SGK1: variants seen among roughly 807,000 people sequenced by gnomAD.
SGK1 encodes serine/threonine-protein kinase Sgk1.
SGK1 carries 26 observed loss-of-function variants against 64.2 expected under a neutral mutation model. The ratio of observed to expected loss-of-function variants is 0.40; its 90% CI spans 0.30 to 0.56. The LOEUF (loss-of-function observed/expected upper bound fraction) is 0.56, where lower values mean the gene tolerates loss of function less well. Ranked by LOEUF, SGK1 falls within the 20% of genes least tolerant of loss-of-function variation. The probability of loss-of-function intolerance (pLI) is 0.38; values close to 1 mark genes in which losing one functional copy is unlikely to be tolerated. For synonymous variants in SGK1, 265 were observed against 239.7 expected (o/e 1.11, Z -0.98); for missense variants, 519 against 645.6 (o/e 0.80, Z 2.12).
intron 2 of SGK1, among the ~76,000 whole-genome samples, chr6:134,219,450 G>A (rs967700878): frequency 2.6e-4 from 40 of 152,212 alleles, no homozygotes; most frequent in Middle Eastern, 6.8e-3. Context: ...TATCTAGATT[G>A]TTTGCATTCT....
intron 2 of SGK1, among the ~76,000 whole-genome samples, chr6:134,251,667 T>C (rs942384044): frequency 2.0e-5 from 3 of 152,162 alleles, no homozygotes; most frequent in African/African-American, 4.8e-5. Context: ...AAAAATCAAG[T>C]GAGCTACGAG....
intron 2 of SGK1, among the ~76,000 whole-genome samples, chr6:134,254,720 C>T (rs1372149440): frequency 5.3e-5 from 8 of 152,066 alleles, no homozygotes; most frequent in Non-Finnish European, 1.2e-4. Context: ...CACATATATA[C>T]TCACACTCAT....
At chr6:134,178,359 C>G (rs1028672082) in intron 3 of SGK1, among the ~76,000 whole-genome samples, 1 of 152,130 alleles carries the variant, frequency 6.6e-6, no homozygotes, top group African/African-American at 2.4e-5. Flanking sequence ...CCTGTTCTGT[C>G]CCAGCAACCT....
chr6:134,266,200 G>A (rs1360532432), intron 1 of SGK1, among the ~76,000 whole-genome samples: 3 of 149,942 alleles, frequency 2.0e-5, no homozygotes, highest in Non-Finnish European at 4.4e-5. Flanking sequence ...GGCCAGGCCG[G>A]TCTTGAACTC....
chr6:134,175,788 C>T (rs1434178021), intron 3 of SGK1: 2 of 1,329,706 alleles, frequency 1.5e-6, no homozygotes, highest in Admixed American at 3.7e-5. Flanking sequence ...AAACAAATGG[C>T]CCTTGTGCAC....
At chr6:134,285,391 T>A (rs1777167373) in intron 1 of SGK1, among the ~76,000 whole-genome samples, 1 of 148,272 alleles carries the variant, frequency 6.7e-6, no homozygotes, top group South Asian at 2.1e-4. Flanking sequence ...GGAAGGAAAA[T>A]CACTTGAACC....
intron 1 of SGK1, among the ~76,000 whole-genome samples, chr6:134,302,911 T>C (rs1777479545): frequency 6.6e-6 from 1 of 152,010 alleles, no homozygotes; most frequent in Non-Finnish European, 1.5e-5. Context: ...TGCGCTATCA[T>C]GCCTGGCTAA....
intron 3 of SGK1, among the ~76,000 whole-genome samples, chr6:134,199,805 C>A (rs1442588036): frequency 6.6e-6 from 1 of 152,056 alleles, no homozygotes; most frequent in Non-Finnish European, 1.5e-5. Flanking sequence ...ATTTAAAAAA[C>A]CCCAGTGGTA....
At chr6:134,248,286 G>A (rs1018463244) in intron 2 of SGK1, among the ~76,000 whole-genome samples, 1 of 151,964 alleles carries the variant, frequency 6.6e-6, no homozygotes, top group Admixed American at 6.6e-5. Flanking sequence ...AATTAGGCAA[G>A]GGAGTACAAA....
At chr6:134,297,203 C>G in intron 1 of SGK1, 1 of 837,586 alleles carries the variant, frequency 1.2e-6, no homozygotes, top group Non-Finnish European at 2.0e-6. Flanking sequence ...TACTCACATT[C>G]TGTATCCCAG....
rs913156358 is a variant in SGK1 at position 134,169,977 on chromosome 6, G to A, written c.*291C>T. On this transcript the variant is annotated 3_prime_UTR_variant, in exon 14 of 14. Transcript: ENST00000367858. ...TGCAGGAGACCTTTTTTAGAACAGC[G>A]TCCGCTTTCTAACGAAACTCCTGCC... The A allele has an allele frequency of 1.8e-5, 4 of 216,938 alleles. No homozygotes were observed. Among genetic ancestry groups the A allele is most frequent in the Non-Finnish European group, 2.8e-5 (3 of 108,858 alleles). 13.4% of individuals were successfully genotyped at this position (216,938 alleles called of 1,614,324 possible).
intron 3 of SGK1, among the ~76,000 whole-genome samples, chr6:134,204,085 A>G (rs1234048460): frequency 1.3e-5 from 2 of 151,810 alleles, no homozygotes; most frequent in East Asian, 1.9e-4. Context: ...AAAAAAAAAA[A>G]GTATATGTGC....
intron 5 of SGK1, 116 bp from the exon 6 acceptor site, chr6:134,173,682 A>C (rs1775112224): frequency 2.9e-6 from 2 of 687,282 alleles, no homozygotes; most frequent in South Asian, 4.0e-5. Flanking sequence ...ATGACCATAC[A>C]TCTATAAACA....
At chr6:134,197,175 G>A (rs928515146) in intron 3 of SGK1, among the ~76,000 whole-genome samples, 1 of 152,162 alleles carries the variant, frequency 6.6e-6, no homozygotes, top group African/African-American at 2.4e-5. Context: ...CAAGGCCACA[G>A]TAAGCCGTGA....
chr6:134,202,715 T>C (rs1775705739), intron 3 of SGK1, among the ~76,000 whole-genome samples: 2 of 152,090 alleles, frequency 1.3e-5, no homozygotes, highest in Non-Finnish European at 2.9e-5. Flanking sequence ...AGGGAAATGA[T>C]ACCAGAGAGA....
At chr6:134,190,058 C>T (rs922138858) in intron 3 of SGK1, among the ~76,000 whole-genome samples, 10 of 152,024 alleles carry the variant, frequency 6.6e-5, no homozygotes, top group Non-Finnish European at 4.4e-5. Flanking sequence ...CCATGTTGGC[C>T]AGGCTGGTCT....
intron 1 of SGK1, among the ~76,000 whole-genome samples, chr6:134,279,910 G>A (rs1777068907): frequency 6.6e-6 from 1 of 152,144 alleles, no homozygotes; most frequent in African/African-American, 2.4e-5. Flanking sequence ...GGGAAAAGCT[G>A]GGTGTGGTGG....
At chr6:134,222,423 C>T (rs1776103532) in intron 2 of SGK1, among the ~76,000 whole-genome samples, 1 of 151,572 alleles carries the variant, frequency 6.6e-6, no homozygotes, top group South Asian at 2.1e-4. Context: ...GGAACCTCTG[C>T]CTCCCAGGTT....
intron 1 of SGK1, among the ~76,000 whole-genome samples, chr6:134,279,653 A>C (rs1453300470): frequency 6.6e-6 from 1 of 152,074 alleles, no homozygotes; most frequent in Non-Finnish European, 1.5e-5. Context: ...CCTCCCCCCC[A>C]AAAATAGCAA....
Sources: gnomAD v4.1 joint callset for allele counts (sites outside exome capture counted in the v4.1 genomes callset) on GRCh38, gnomAD v4.1.1 for gene constraint, MANE v1.5 for transcripts, NCBI Gene and HGNC (gene_info 2026-07-23, HGNC 2026-07-21) for gene names.